DISC1: variants seen among roughly 807,000 people sequenced by gnomAD.
The protein encoded by DISC1 is DISC1 scaffold protein, also known as disrupted in schizophrenia 1 protein.
Under a neutral mutation model 84.5 loss-of-function variants are expected in DISC1, and 57 were observed. The ratio of observed to expected loss-of-function variants is 0.67; its 90% CI spans 0.55 to 0.84. The LOEUF is 0.84. Ranked by LOEUF, DISC1 falls within the 40% of genes least tolerant of loss-of-function variation. The pLI, the probability that DISC1 is intolerant of heterozygous loss-of-function variation, is 0.00. For missense variants in DISC1, 1,000 were observed against 1,057.8 expected (o/e 0.95, Z 0.76); for synonymous variants, 411 against 415.2 (o/e 0.99, Z 0.12).
At chr1:231,856,749 T>A (rs554700346) in intron 9 of DISC1, among the ~76,000 whole-genome samples, 2 of 152,300 alleles carry the variant, frequency 1.3e-5, no homozygotes, top group East Asian at 3.9e-4. Context: ...GTGACCTTGT[T>A]TCATCCTGCT....
chr1:231,817,374 A>G (rs1558599836), intron 8 of DISC1, among the ~76,000 whole-genome samples: 2 of 152,198 alleles, frequency 1.3e-5, no homozygotes, highest in South Asian at 2.1e-4. Flanking sequence ...GTGAGCCACC[A>G]TGCCCAGCTC....
At chr1:231,666,740 G>T (rs939468235) in intron 1 of DISC1, among the ~76,000 whole-genome samples, 3 of 152,092 alleles carry the variant, frequency 2.0e-5, no homozygotes, top group African/African-American at 7.2e-5. Flanking sequence ...AAAATGAAAG[G>T]TTCTTAGTGA....
rs758045297 is a variant in DISC1 at position 231,693,862 on chromosome 1, G to A, written c.104G>A (p.Arg35Gln). The A allele has an allele frequency of 2.5e-6, 4 of 1,613,836 alleles. No individual in the cohort carries two copies. Among genetic ancestry groups the A allele is most frequent in the Admixed American group, 1.7e-5 (1 of 60,002 alleles). Residue 35 changes from arginine to glutamine, a missense_variant, in exon 2 of 13, where the codon CGG becomes CAG. Transcript: ENST00000439617. Reference sequence around the variant, plus strand: ...TGCTTACCACCTGCAGCGTGCTTTCGGAGGCGGCGGCTGGCACGGAGGCCG... The same window carrying A: ...TGCTTACCACCTGCAGCGTGCTTTCAGAGGCGGCGGCTGGCACGGAGGCCG... ...RDCLPPAACF[R>Q]RRRLARRPGY...
chr1:231,778,335 T>G (rs2077116442), intron 6 of DISC1, among the ~76,000 whole-genome samples: 1 of 152,186 alleles, frequency 6.6e-6, no homozygotes, highest in Non-Finnish European at 1.5e-5. Flanking sequence ...GGAAGGTCTT[T>G]TCTGGTTCTA....
intron 9 of DISC1, among the ~76,000 whole-genome samples, chr1:231,836,092 C>T (rs2082612022): frequency 6.6e-6 from 1 of 152,196 alleles, no homozygotes; most frequent in Non-Finnish European, 1.5e-5. Flanking sequence ...TGTTAAAATA[C>T]AGAAACTGAG....
chr1:231,707,260 A>G (rs937365815), intron 3 of DISC1, among the ~76,000 whole-genome samples: 1 of 152,220 alleles, frequency 6.6e-6, no homozygotes, highest in Non-Finnish European at 1.5e-5. Context: ...AGGTCCAGCA[A>G]AACTGTCACT....
At chr1:231,701,884 T>C in intron 2 of DISC1, 71 bp from the exon 3 acceptor site, 1 of 1,322,408 alleles carries the variant, frequency 7.6e-7, no homozygotes, top group Middle Eastern at 2.2e-4. Context: ...CTAAATGTTC[T>C]TAGTTTTCAC....
chr1:231,796,760 G>A (rs554034140), intron 7 of DISC1, among the ~76,000 whole-genome samples: 53 of 152,260 alleles, frequency 3.5e-4, no homozygotes, highest in African/African-American at 1.2e-3. Flanking sequence ...CTTTCACCCA[G>A]GCTGGAGTGT....
chr1:231,884,328 A>G (rs1004611255), intron 9 of DISC1, among the ~76,000 whole-genome samples: 3 of 152,224 alleles, frequency 2.0e-5, no homozygotes, highest in Non-Finnish European at 4.4e-5. Flanking sequence ...GCTCCCACTT[A>G]TAAGCGAGAA....
chr1:231,839,942 A>G (rs1294597344), intron 9 of DISC1, among the ~76,000 whole-genome samples: 2 of 152,142 alleles, frequency 1.3e-5, no homozygotes, highest in Non-Finnish European at 2.9e-5. Flanking sequence ...CGCCCCCATG[A>G]CACCAGCACC....
chr1:231,886,804 T>C (rs191705978), intron 9 of DISC1, among the ~76,000 whole-genome samples: 6 of 141,760 alleles, frequency 4.2e-5, no homozygotes, highest in African/African-American at 1.6e-4. Context: ...TCTTTCTTTC[T>C]TTCTTTCTTT....
intron 1 of DISC1, chr1:231,670,807 T>C (rs2062545531): frequency 6.6e-6 from 1 of 152,208 alleles, no homozygotes; most frequent in Non-Finnish European, 1.5e-5. Context: ...CCAAGTCCAT[T>C]GTCATGATTT....
chr1:231,714,618 CAGAG>C (rs972269057), intron 3 of DISC1, among the ~76,000 whole-genome samples: 26 of 148,198 alleles, frequency 1.8e-4, no homozygotes, highest in African/African-American at 4.7e-4. Context: ...GAGAGAGAAA[CAGAG>C]AGAGAGGAGA....
At chr1:231,972,894 T>C (rs1364445114) in intron 10 of DISC1, among the ~76,000 whole-genome samples, 1 of 152,190 alleles carries the variant, frequency 6.6e-6, no homozygotes, top group Non-Finnish European at 1.5e-5. Context: ...ATATGGTACC[T>C]ATAGGGTACA....
chr1:231,700,047 T>C (rs977101028), intron 2 of DISC1, among the ~76,000 whole-genome samples: 6 of 152,244 alleles, frequency 3.9e-5, no homozygotes, highest in Non-Finnish European at 8.8e-5. Flanking sequence ...TAAATCTTTG[T>C]GTAAATGTCA....
chr1:231,741,134 G>A (rs78165217), intron 3 of DISC1, among the ~76,000 whole-genome samples: 2 of 152,350 alleles, frequency 1.3e-5, no homozygotes, highest in South Asian at 2.1e-4. Flanking sequence ...CATCCTTGCA[G>A]AAGTGCTGAC....
chr1:231,846,524 C>T lies in DISC1; in HGVS notation c.1981+28007C>T, dbSNP rs990771688. ...CTTTTCAAAAGGAACAGAAAATCGTCGCATTCTCTTGCTTCTACAATGCCA... is the reference window on the plus strand; with the variant it reads ...CTTTTCAAAAGGAACAGAAAATCGTTGCATTCTCTTGCTTCTACAATGCCA... On this transcript the variant is annotated intron_variant, in intron 9 of 12. Transcript: ENST00000439617. Among the ~76,000 whole-genome samples, 21 of 152,214 alleles carry T rather than the reference C, an allele frequency of 1.4e-4. 1 individual carries two copies. Among genetic ancestry groups the T allele is most frequent in the African/African-American group, 3.6e-4 (15 of 41,446 alleles).
chr1:231,668,741 A>T (rs1304447783), intron 1 of DISC1, among the ~76,000 whole-genome samples: 3 of 152,218 alleles, frequency 2.0e-5, no homozygotes, highest in Non-Finnish European at 4.4e-5. Flanking sequence ...AGTGATACCA[A>T]AAAAGAATAA....
intron 6 of DISC1, chr1:231,774,884 C>A: frequency 2.6e-6 from 1 of 387,938 alleles, no homozygotes; most frequent in Non-Finnish European, 5.1e-6. Context: ...CTAATTTTTG[C>A]TATGAAGTAT....
Sources: allele counts gnomAD v4.1 joint callset (sites outside exome capture counted in the v4.1 genomes callset), GRCh38; gene constraint gnomAD v4.1.1; transcripts MANE v1.5; gene names NCBI Gene and HGNC (gene_info 2026-07-23, HGNC 2026-07-21).